Variants in SLC6A3 observed in about 807,000 individuals in gnomAD.
The protein encoded by SLC6A3 is sodium-dependent dopamine transporter.
In SLC6A3, 19 loss-of-function variants were observed where a neutral mutation model predicts 70.4. That is an observed-to-expected ratio of 0.27 (90% CI 0.19 to 0.40). SLC6A3 has a LOEUF of 0.40. SLC6A3 is among the 10% of genes least tolerant of loss of function. The pLI is 1.00. For missense variants in SLC6A3, 613 were observed against 838.5 expected, an observed-to-expected ratio of 0.73 and a Z score of 3.32; for synonymous variants, 368 against 356.6, an observed-to-expected ratio of 1.03 and a Z score of -0.36.
rs111344283 is a variant in SLC6A3 at position 1,425,097 on chromosome 5, T to A, written c.654-3083A>T. Reference sequence around the variant, plus strand: ...ACCAGAAAAGTGTTGGCCCAGGATGTTCACCAGGCGTGGAAAAGACACAGC... The same window carrying A: ...ACCAGAAAAGTGTTGGCCCAGGATGATCACCAGGCGTGGAAAAGACACAGC... On this transcript the variant is annotated intron_variant, in intron 4 of 14. Coordinates refer to ENST00000270349, the MANE Select transcript of SLC6A3 (RefSeq NM_001044.5). 4.1e-3 allele frequency among the ~76,000 whole-genome samples: 630 copies of A among 152,340 alleles called. 3 individuals carry two copies. Among genetic ancestry groups the A allele is most frequent in the African/African-American group, 0.014 (567 of 41,580 alleles).
At chr5:1,439,073 G>A (rs1756906112) in intron 3 of SLC6A3, among the ~76,000 whole-genome samples, 1 of 152,220 alleles carries the variant, frequency 6.6e-6, no homozygotes, top group Admixed American at 6.5e-5. Context: ...TGAACTGTTA[G>A]CCTGGGTTCA....
Position 1,411,747 on chromosome 5 carries a change from C to G in SLC6A3, c.1157-392G>C, listed in dbSNP as rs1430969153. On this transcript the variant is annotated intron_variant, in intron 8 of 14. Coordinates refer to ENST00000270349, the MANE Select transcript of SLC6A3 (RefSeq NM_001044.5). This position sits in a 1 kb window ranked among gnomAD's most constrained non-coding sequence, Gnocchi z 6.5. ...TTCGAGTTAGTTTTTCCTGCACATA[C>G]CATGCAACATACACACTCAGACACA... is the stretch of plus-strand genomic sequence containing the variant. 6.6e-6 allele frequency among the ~76,000 whole-genome samples: 1 copy of G among 151,872 alleles called. No individual in the cohort carries two copies. Among genetic ancestry groups the G allele is most frequent in the African/African-American group, 2.4e-5 (1 of 41,242 alleles).
At chr5:1,441,642 G>A (rs1194792134) in intron 2 of SLC6A3, 152 bp from the exon 3 acceptor site, 7 of 836,096 alleles carry the variant, frequency 8.4e-6, no homozygotes, top group Non-Finnish European at 1.3e-5. Flanking sequence ...TAGGGTAGAT[G>A]AGTCCCGAAG....
intron 8 of SLC6A3, 86 bp downstream of exon 8, chr5:1,414,605 T>G: frequency 6.7e-7 from 1 of 1,501,174 alleles, no homozygotes; most frequent in Non-Finnish European, 9.0e-7. Flanking sequence ...TGCGTCTCCT[T>G]CCTCTTTCAC....
At position 1,393,967 on chromosome 5, in the gene SLC6A3, G is replaced by A. The variant is rs917524919; in HGVS notation, c.*768C>T. On this transcript the variant is annotated 3_prime_UTR_variant, in exon 15 of 15. Coordinates refer to ENST00000270349, the MANE Select transcript of SLC6A3 (RefSeq NM_001044.5). ...TCCTGTGGGGGCCCTGCATGCGTCC[G>A]GGGATAGGACACGCTCCTCTCAGGC... is the stretch of plus-strand genomic sequence containing the variant. The A allele has an allele frequency of 3.9e-5, 6 of 153,508 alleles. No individual in the cohort carries two copies. Among genetic ancestry groups the A allele is most frequent in the African/African-American group, 9.8e-5 (4 of 40,896 alleles). 9.5% of individuals were successfully genotyped at this position (153,508 alleles called of 1,614,324 possible).
At chr5:1,420,481 C>T in intron 6 of SLC6A3, 88 bp downstream of exon 6, 1 of 1,508,442 alleles carries the variant, frequency 6.6e-7, no homozygotes, top group Non-Finnish European at 9.2e-7. Context: ...AACTCTGACA[C>T]CTCTCAGCCC....
At chr5:1,425,187 A>T (rs925273938) in intron 4 of SLC6A3, among the ~76,000 whole-genome samples, 2 of 152,244 alleles carry the variant, frequency 1.3e-5, no homozygotes, top group Admixed American at 6.5e-5. Flanking sequence ...ATTGGGTGAC[A>T]GTGGAGCCAC....
chr5:1,415,972 G>T, intron 7 of SLC6A3, 126 bp downstream of exon 7: 1 of 740,352 alleles, frequency 1.4e-6, no homozygotes, highest in Non-Finnish European at 2.4e-6. Flanking sequence ...GAAAGGCCAC[G>T]CAGCTCACAG....
At position 1,436,871 on chromosome 5, in the gene SLC6A3, A is replaced by G. The variant is rs1756847294; in HGVS notation, c.419-4173T>C. Among the ~76,000 whole-genome samples, 1 of 152,154 alleles carries G rather than the reference A, an allele frequency of 6.6e-6. No individual in the cohort carries two copies. Among genetic ancestry groups the G allele is most frequent in the African/African-American group, 2.4e-5 (1 of 41,436 alleles). On this transcript the variant is annotated intron_variant, in intron 3 of 14. Transcript: ENST00000270349. This position sits in a 1 kb window ranked among gnomAD's most constrained non-coding sequence, Gnocchi z 5.2. ...CTGGCTTCAGGAGAGGGTGTTGTCA[A>G]CGCATGCACGGATCCCGCTGGAGGA...
Position 1,401,216 on chromosome 5 carries a change from C to T in SLC6A3, c.1768-230G>A, listed in dbSNP as rs542734654. ...GTCAGGCCCGAAGCCAACATCCTGA[C>T]GGTCCCCTTAAAGTCTAGCGCAGAG... On this transcript the variant is annotated intron_variant, in intron 13 of 14. Transcript: ENST00000270349. The surrounding 1 kb of genome is among the most constrained non-coding windows in gnomAD (Gnocchi z 6.1). 4.5e-5 allele frequency: 31 copies of T among 695,500 alleles called. No individual in the cohort carries two copies. The highest frequency in any genetic ancestry group is 3.7e-4 in the South Asian group (25 of 66,684). The allele number at this position is 695,500 out of a possible 1,614,324, so 43.1% of individuals were successfully genotyped here.
chr5:1,427,942 G>GGACA (rs1475480210), intron 4 of SLC6A3, among the ~76,000 whole-genome samples: 2 of 152,116 alleles, frequency 1.3e-5, no homozygotes, highest in African/African-American at 4.8e-5. Context: ...TAGAGCAAGT[G>GGACA]GACAGAAAAC....
At position 1,422,008 on chromosome 5, in the gene SLC6A3, G is replaced by C; in HGVS notation, c.660C>G (p.Gly220=). 6.2e-7 allele frequency: 1 copy of C among 1,611,444 alleles called. No individual in the cohort carries two copies. The highest frequency in any genetic ancestry group is 8.5e-7 in the Non-Finnish European group (1 of 1,179,924). The change falls in exon 5 of 15, where the codon GGC becomes GGG. Residue 220 remains glycine (G), a synonymous_variant. Coordinates refer to ENST00000270349, the MANE Select transcript of SLC6A3 (RefSeq NM_001044.5). ...TTPAAEYFER[G]VLHLHQSHGI... is the part of the protein sequence containing the mutation. ...CATGGCTCTGGTGGAGGTGCAGCAC[G>C]CCACGTCTGCAGAGGGGAGTCAGCG...
In SLC6A3 at chr5:1,406,409, C is replaced by T. The variant is rs1279200813; in HGVS notation, c.1499-121G>A. ...ACCTACCGGCCCCAGGCTTCGGCTG[C>T]ACCCAGCCTCCTGCAGAGGAGGCCA... On this transcript the variant is annotated intron_variant, in intron 11 of 14. Coordinates refer to ENST00000270349, the MANE Select transcript of SLC6A3 (RefSeq NM_001044.5). This position sits in a 1 kb window ranked among gnomAD's most constrained non-coding sequence, Gnocchi z 8.8. 2.3e-6 allele frequency: 2 copies of T among 854,150 alleles called. No homozygotes were observed. The highest frequency in any genetic ancestry group is 3.9e-6 in the Non-Finnish European group (2 of 507,444). 52.9% of individuals were successfully genotyped at this position (854,150 alleles called of 1,614,324 possible). A position where few individuals can be genotyped will look rare whatever the true frequency, so the allele number is the denominator to read the frequency against.
intron 6 of SLC6A3, among the ~76,000 whole-genome samples, chr5:1,419,503 A>C (rs1756386026): frequency 6.6e-6 from 1 of 152,176 alleles, no homozygotes; most frequent in Non-Finnish European, 1.5e-5. Flanking sequence ...CTGGAGCACT[A>C]GGCTCTACGT....
rs1276210890 is a variant in SLC6A3 at position 1,413,874 on chromosome 5, C to T, written c.1156+817G>A. Among the ~76,000 whole-genome samples, 1 of 152,220 alleles carries T rather than the reference C, an allele frequency of 6.6e-6. No individual in the cohort carries two copies. Among genetic ancestry groups the T allele is most frequent in the African/African-American group, 2.4e-5 (1 of 41,454 alleles). Reference sequence around the variant, plus strand: ...ACGTGGCCCCAAGTGCCTGGGCCCACTCTCAGCCCCTGCATCTGTGCCCGT... The same window carrying T: ...ACGTGGCCCCAAGTGCCTGGGCCCATTCTCAGCCCCTGCATCTGTGCCCGT... On this transcript the variant is annotated intron_variant, in intron 8 of 14. Transcript: ENST00000270349. This position sits in a 1 kb window ranked among gnomAD's most constrained non-coding sequence, Gnocchi z 7.1.
rs1055948451 is a variant in SLC6A3, at chr5:1,404,620, G to T, written c.1600-1531C>A. Among the ~76,000 whole-genome samples, 1 of 152,232 alleles carries T rather than the reference G, an allele frequency of 6.6e-6. No homozygotes were observed. ...GCGTGTACACCCCTTACGACCAGAG[G>T]TTAGCACACGCCAGAGGGCAGGGGA... On this transcript the variant is annotated intron_variant, in intron 12 of 14. Coordinates refer to ENST00000270349, the MANE Select transcript of SLC6A3 (RefSeq NM_001044.5). The surrounding 1 kb of genome is among the most constrained non-coding windows in gnomAD (Gnocchi z 5.2).
In SLC6A3 at chr5:1,411,213, G is replaced by A. The variant is rs1406581837; in HGVS notation, c.1269+30C>T. ...CGGGTGGAAGGAACCCAACTGCCGA[G>A]GACAGGGCCGGGCGGTGCGGGTTAC... On this transcript the variant is annotated intron_variant, in intron 9 of 14. Coordinates refer to ENST00000270349, the MANE Select transcript of SLC6A3 (RefSeq NM_001044.5). The surrounding 1 kb of genome is among the most constrained non-coding windows in gnomAD (Gnocchi z 6.5). 2 of 1,474,944 alleles carry A rather than the reference G, an allele frequency of 1.4e-6. No homozygotes were observed. The highest frequency in any genetic ancestry group is 1.9e-6 in the Non-Finnish European group (2 of 1,078,508). 91.4% of individuals were successfully genotyped at this position (1,474,944 alleles called of 1,614,324 possible).
At chr5:1,418,355 T>G (rs1410257145) in intron 6 of SLC6A3, among the ~76,000 whole-genome samples, 1 of 152,174 alleles carries the variant, frequency 6.6e-6, no homozygotes, top group Non-Finnish European at 1.5e-5. Context: ...TCTTTCCTGA[T>G]TTCTCTTCAC....
chr5:1,401,432 AG>A lies in SLC6A3; in HGVS notation c.1768-447del. On this transcript the variant is annotated intron_variant, in intron 13 of 14. Transcript: ENST00000270349. The surrounding 1 kb of genome is among the most constrained non-coding windows in gnomAD (Gnocchi z 6.1). ...TTTTGTCACCTGCAGCTCTTGGGAGAGTGAACGCTGAACGTGCCTTCCTTCC... is the reference window on the plus strand; with the variant it reads ...TTTTGTCACCTGCAGCTCTTGGGAGATGAACGCTGAACGTGCCTTCCTTCC... 2.6e-6 allele frequency: 1 copy of A among 383,402 alleles called. No individual in the cohort carries two copies. The allele number at this position is 383,402 out of a possible 1,614,324, so 23.8% of individuals were successfully genotyped here.
Sources: gnomAD v4.1 joint callset for allele counts (sites outside exome capture counted in the v4.1 genomes callset) on GRCh38, gnomAD v4.1.1 for gene constraint, Gnocchi (gnomAD v3.1) non-coding constraint, MANE v1.5 for transcripts, NCBI Gene and HGNC (gene_info 2026-07-23, HGNC 2026-07-21) for gene names.